Variants in COL14A1 observed in about 807,000 individuals in gnomAD.
COL14A1 encodes collagen alpha-1(XIV) chain.
A neutral mutation model predicts 230.3 loss-of-function variants in COL14A1; 136 were observed. The ratio of observed to expected loss-of-function variants is 0.59; its 90% confidence interval spans 0.51 to 0.68. The LOEUF is 0.68. Ranked by LOEUF, COL14A1 falls within the 30% of genes least tolerant of loss-of-function variation. COL14A1 has a pLI of 0.00. For missense variants in COL14A1, 1,976 were observed against 2,215.8 expected, an observed-to-expected ratio of 0.89 and a Z score of 2.17; for synonymous variants, 792 against 784.1, an observed-to-expected ratio of 1.01 and a Z score of -0.17.
intron 5 of COL14A1, among the ~76,000 whole-genome samples, chr8:120,172,777 G>GAT (rs1014761271): frequency 8.5e-4 from 130 of 152,286 alleles, no homozygotes; most frequent in African/African-American, 3.1e-3. Context: ...AATTTGTAAG[G>GAT]ATATAGCCCT....
At chr8:120,300,644 T>C in intron 35 of COL14A1, 88 bp from the exon 36 acceptor site, 1 of 969,352 alleles carries the variant, frequency 1.0e-6, no homozygotes, top group Non-Finnish European at 1.6e-6. Context: ...TCTAAAAATA[T>C]CTTAAATCAA....
chr8:120,217,248 A>G (rs1817780447), intron 14 of COL14A1, among the ~76,000 whole-genome samples: 1 of 152,216 alleles, frequency 6.6e-6, no homozygotes, highest in African/African-American at 2.4e-5. Context: ...ATGAGCCTAA[A>G]TTTAACAAAT....
At chr8:120,276,474 T>G (rs1283357233) in intron 26 of COL14A1, among the ~76,000 whole-genome samples, 2 of 150,824 alleles carry the variant, frequency 1.3e-5, no homozygotes, top group East Asian at 1.9e-4. Flanking sequence ...AATTCAACCA[T>G]GTAACCAAAT....
chr8:120,143,125 C>G (rs1212364533), intron 1 of COL14A1, among the ~76,000 whole-genome samples: 1 of 152,100 alleles, frequency 6.6e-6, no homozygotes. Flanking sequence ...CCACTTGATA[C>G]AGTTTTTCCT....
intron 47 of COL14A1, chr8:120,370,513 C>T: frequency 6.7e-7 from 1 of 1,489,888 alleles, no homozygotes; most frequent in Non-Finnish European, 8.9e-7. Context: ...CCTGCCTTCC[C>T]ACTTTCAAAC....
At chr8:120,293,586 AAAAAGTGAGAGTACTGAAAT>A (rs1357036369) in intron 34 of COL14A1, among the ~76,000 whole-genome samples, 1 of 151,830 alleles carries the variant, frequency 6.6e-6, no homozygotes, top group African/African-American at 2.4e-5. Flanking sequence ...GTCCCCTTTC[AAAAAGTGAGAGTACTGAAAT>A]AAGAGACTGT....
chr8:120,361,686 C>A (rs16893962), intron 45 of COL14A1, among the ~76,000 whole-genome samples: 5,214 of 152,212 alleles, frequency 0.034, 115 homozygotes, highest in African/African-American at 0.055. Flanking sequence ...TGGAAGCTTT[C>A]CCCAGGCCTT....
At chr8:120,347,464 T>C (rs1259442410) in intron 45 of COL14A1, among the ~76,000 whole-genome samples, 1 of 152,122 alleles carries the variant, frequency 6.6e-6, no homozygotes, top group African/African-American at 2.4e-5. Flanking sequence ...CGATGACTGT[T>C]ATAGGTCAGG....
intron 29 of COL14A1, 152 bp downstream of exon 29, chr8:120,280,251 A>G: frequency 2.2e-6 from 2 of 900,618 alleles, no homozygotes; most frequent in South Asian, 1.7e-5. Flanking sequence ...GGCTTTGAGC[A>G]TATGGAAATA....
At chr8:120,306,658 G>A (rs949568697) in intron 36 of COL14A1, among the ~76,000 whole-genome samples, 8 of 152,092 alleles carry the variant, frequency 5.3e-5, no homozygotes, top group South Asian at 2.1e-4. Context: ...GAGTGTTTTC[G>A]TCAACAAGTA....
intron 36 of COL14A1, among the ~76,000 whole-genome samples, chr8:120,308,676 G>T (rs979840302): frequency 9.9e-5 from 15 of 152,210 alleles, no homozygotes; most frequent in African/African-American, 3.6e-4. Context: ...AAATTTTAAA[G>T]ATCACCTGAC....
At chr8:120,211,251 T>G (rs1817608842) in intron 12 of COL14A1, among the ~76,000 whole-genome samples, 2 of 152,108 alleles carry the variant, frequency 1.3e-5, no homozygotes, top group Admixed American at 1.3e-4. Flanking sequence ...AACAGGCCTG[T>G]TAATAGAGGA....
At chr8:120,157,994 A>T (rs1296383758) in intron 2 of COL14A1, 136 bp from the exon 3 acceptor site, 1 of 510,240 alleles carries the variant, frequency 2.0e-6, no homozygotes, top group African/African-American at 2.0e-5. Flanking sequence ...CAAAAAGCAT[A>T]TGTATATATA....
chr8:120,134,673 A>C (rs1383238852), intron 1 of COL14A1, among the ~76,000 whole-genome samples: 1 of 152,218 alleles, frequency 6.6e-6, no homozygotes, highest in African/African-American at 2.4e-5. Flanking sequence ...AAAATTTCTC[A>C]TAAAAAGATG....
At chr8:120,187,256 T>G (rs771710914) in intron 5 of COL14A1, among the ~76,000 whole-genome samples, 2 of 152,222 alleles carry the variant, frequency 1.3e-5, no homozygotes, top group Non-Finnish European at 1.5e-5. Flanking sequence ...GATTTTTAAT[T>G]TGGTAATTTC....
chr8:120,340,134 G>GTA (rs1822243493), intron 42 of COL14A1, among the ~76,000 whole-genome samples: 1 of 150,488 alleles, frequency 6.6e-6, no homozygotes. Context: ...GTGTGTGTGT[G>GTA]TATTGAATAG....
chr8:120,285,178 G>T (rs992629934), intron 32 of COL14A1, among the ~76,000 whole-genome samples: 3 of 151,440 alleles, frequency 2.0e-5, no homozygotes, highest in African/African-American at 2.4e-5. Context: ...GGCCGGCCAG[G>T]CACGGTGGCT....
chr8:120,174,073 A>G (rs1262295974), intron 5 of COL14A1, among the ~76,000 whole-genome samples: 1 of 152,240 alleles, frequency 6.6e-6, no homozygotes, highest in Non-Finnish European at 1.5e-5. Flanking sequence ...TGAAAAGTCT[A>G]CAAAAGGATG....
intron 5 of COL14A1, among the ~76,000 whole-genome samples, chr8:120,180,978 A>T (rs1291806534): frequency 1.3e-5 from 2 of 152,190 alleles, no homozygotes; most frequent in African/African-American, 2.4e-5. Flanking sequence ...AAGTGCTGGG[A>T]TTACAGGCAT....
Sources: gnomAD v4.1 joint callset for allele counts (sites outside exome capture counted in the v4.1 genomes callset) on GRCh38, gnomAD v4.1.1 for gene constraint, MANE v1.5 for transcripts, NCBI Gene and HGNC (gene_info 2026-07-23, HGNC 2026-07-21) for gene names.